HTRA3: variants seen among roughly 807,000 people sequenced by gnomAD.
HTRA3 encodes serine protease HTRA3.
HTRA3 carries 41 observed loss-of-function variants against 43.2 expected under a neutral mutation model. That is an observed-to-expected ratio of 0.95 (90% CI 0.74 to 1.23). HTRA3 has a LOEUF of 1.23. Among genes scored for constraint, HTRA3 ranks in the 50% most tolerant of loss-of-function variants. The probability of loss-of-function intolerance (pLI) is 0.00; values close to 1 mark genes in which losing one functional copy is unlikely to be tolerated. For synonymous variants in HTRA3, 295 were observed against 287.9 expected (o/e 1.02, Z -0.25); for missense variants, 628 against 647.1 (o/e 0.97, Z 0.32).
At chr4:8,298,814 A>G (rs1222742553) in intron 6 of HTRA3, among the ~76,000 whole-genome samples, 2 of 152,222 alleles carry the variant, frequency 1.3e-5, no homozygotes, top group Non-Finnish European at 2.9e-5. Flanking sequence ...GAGAATGACC[A>G]TGTGCCATTC....
At chr4:8,284,713 G>A (rs778171651) in intron 2 of HTRA3, among the ~76,000 whole-genome samples, 4 of 152,348 alleles carry the variant, frequency 2.6e-5, no homozygotes, top group Admixed American at 1.3e-4. Context: ...TGGGGTCACC[G>A]TGTGGGGTGG....
In HTRA3 at chr4:8,296,607, A is replaced by C. The variant is rs1039061786; in HGVS notation, c.1051+2406A>C. ...GGGGCTTTCAGGGTAAAGAGTGGCCACCATGCATGTTGGGGGAGCCCCAGG... is the reference window on the plus strand; with the variant it reads ...GGGGCTTTCAGGGTAAAGAGTGGCCCCCATGCATGTTGGGGGAGCCCCAGG... On this transcript the variant is annotated intron_variant, in intron 6 of 8. Transcript: ENST00000307358. This position sits in a 1 kb window ranked among gnomAD's most constrained non-coding sequence, Gnocchi z 5.3. 3 of 856,738 alleles carry C rather than the reference A, an allele frequency of 3.5e-6. No individual in the cohort carries two copies. The highest frequency in any genetic ancestry group is 1.8e-5 in the African/African-American group (1 of 54,448). 53.1% of individuals were successfully genotyped at this position (856,738 alleles called of 1,614,324 possible).
At position 8,302,660 on chromosome 4, in the gene HTRA3, A is replaced by G. The variant is rs542197163; in HGVS notation, c.1100+149A>G. 3 of 727,336 alleles carry G rather than the reference A, an allele frequency of 4.1e-6. No homozygotes were observed. The East Asian group carries it at 8.0e-5, about 19-fold the overall frequency. The allele number at this position is 727,336 out of a possible 1,614,324, so 45.1% of individuals were successfully genotyped here. On this transcript the variant is annotated intron_variant, in intron 7 of 8. Transcript: ENST00000307358. ...CAGGCCTCTGACCGTTGCTCAGGCC[A>G]GTCCTTTTGCGTGGACCTTTCCCTC...
rs773806302 is a variant in HTRA3, at chr4:8,286,670, G to T, written c.595G>T (p.Ala199Ser). The change falls in exon 3 of 9, where the codon GCC (alanine) becomes TCC (serine). Residue 199 changes from alanine (A) to serine (S), a missense_variant. Physicochemically the swap from Ala to Ser is moderately conservative, Grantham distance 99. Transcript: ENST00000307358. This position sits in a 1 kb window ranked among gnomAD's most constrained non-coding sequence, Gnocchi z 4.9. The stretch of plus-strand genomic sequence containing the variant: ...CCACGTGGTGTCCAGCAACAGTGCT[G>T]CCCCGGGCAGGCAGCAGCTCAAGGT... ...NAHVVSSNSAAPGRQQLKVQL... is the reference protein window; with the variant it reads ...NAHVVSSNSASPGRQQLKVQL... 8 of 1,614,054 alleles carry T rather than the reference G, an allele frequency of 5.0e-6. No homozygotes were observed. The highest frequency in any genetic ancestry group is 5.9e-6 in the Non-Finnish European group (7 of 1,180,034).
At chr4:8,283,193 G>C (rs181273722) in intron 2 of HTRA3, among the ~76,000 whole-genome samples, 2 of 152,342 alleles carry the variant, frequency 1.3e-5, no homozygotes, top group Admixed American at 6.5e-5. Context: ...GAATGAGTGA[G>C]TGTCCAATGG....
At position 8,295,756 on chromosome 4, in the gene HTRA3, C is replaced by T. The variant is rs1276460180; in HGVS notation, c.1051+1555C>T. On this transcript the variant is annotated intron_variant, in intron 6 of 8. Transcript: ENST00000307358. This position sits in a 1 kb window ranked among gnomAD's most constrained non-coding sequence, Gnocchi z 6.9. ...CCTCACGTTTCCCCCTCCTCCATGA[C>T]CCCGTCAGCCAAGCACATGGACCCC... is the stretch of plus-strand genomic sequence containing the variant. 1.5e-6 allele frequency: 2 copies of T among 1,307,292 alleles called. No individual in the cohort carries two copies. Among genetic ancestry groups the T allele is most frequent in the South Asian group, 4.5e-5 (2 of 44,388 alleles). The allele number at this position is 1,307,292 out of a possible 1,614,324, so 81.0% of individuals were successfully genotyped here. A position where few individuals can be genotyped will look rare whatever the true frequency, so the allele number is the denominator to read the frequency against.
At chr4:8,304,643 G>GTTTTTTT (rs140790982) in intron 8 of HTRA3, among the ~76,000 whole-genome samples, 4 of 62,734 alleles carry the variant, frequency 6.4e-5, no homozygotes, top group Admixed American at 3.9e-4. Context: ...TCAGCCTATT[G>GTTTTTTT]TTTTTTTTTT....
chr4:8,295,042 C>T lies in HTRA3; in HGVS notation c.1051+841C>T, dbSNP rs1459577724. 1.3e-5 allele frequency among the ~76,000 whole-genome samples: 2 copies of T among 151,974 alleles called. No individual in the cohort carries two copies. The highest frequency in any genetic ancestry group is 1.3e-4 in the Admixed American group (2 of 15,262). ...TCCACCCACCTATCCACCCATTCAC[C>T]CACCTGGCCACCATTTCTTCCTTCC... On this transcript the variant is annotated intron_variant, in intron 6 of 8. Coordinates refer to ENST00000307358, the MANE Select transcript of HTRA3 (RefSeq NM_053044.5). The surrounding 1 kb of genome is among the most constrained non-coding windows in gnomAD (Gnocchi z 6.9).
At chr4:8,270,822 G>T (rs2153003122) in intron 1 of HTRA3, among the ~76,000 whole-genome samples, 1 of 152,320 alleles carries the variant, frequency 6.6e-6, no homozygotes, top group South Asian at 2.1e-4. Flanking sequence ...TCAGGGTGCA[G>T]GTCCCTGAAC....
At chr4:8,288,424 C>G (rs1272063750) in intron 3 of HTRA3, among the ~76,000 whole-genome samples, 1 of 152,070 alleles carries the variant, frequency 6.6e-6, no homozygotes, top group Non-Finnish European at 1.5e-5. Context: ...CAGGCATGTG[C>G]CACCACACTG....
rs377722262 is a variant in HTRA3 at position 8,270,316 on chromosome 4, G to A, written c.348G>A (p.Thr116=). The part of the protein sequence containing the change: ...ASRRALQLSG[T]PVRQLQKGAC... Reference sequence around the variant, plus strand: ...GCCGCGCGCTGCAGCTCTCCGGGACGCCCGTGCGCCAGCTGCAGAAGGGCG... The same window carrying A: ...GCCGCGCGCTGCAGCTCTCCGGGACACCCGTGCGCCAGCTGCAGAAGGGCG... Residue 116 remains threonine, a synonymous_variant, in exon 1 of 9, where the codon ACG becomes ACA. Transcript: ENST00000307358. The A allele has an allele frequency of 4.6e-4, 669 of 1,454,632 alleles. 2 individuals carry two copies. In the African/African-American group the frequency reaches 8.9e-3, roughly 19 times the overall value. The allele number at this position is 1,454,632 out of a possible 1,614,324, so 90.1% of individuals were successfully genotyped here.
intron 6 of HTRA3, among the ~76,000 whole-genome samples, chr4:8,301,919 T>A (rs545845462): frequency 8.5e-5 from 13 of 152,254 alleles, no homozygotes; most frequent in Non-Finnish European, 1.3e-4. Flanking sequence ...TTTCTGGATC[T>A]GAGACACCTG....
At chr4:8,271,297 C>T (rs1712263894) in intron 1 of HTRA3, among the ~76,000 whole-genome samples, 1 of 152,184 alleles carries the variant, frequency 6.6e-6, no homozygotes, top group Non-Finnish European at 1.5e-5. Flanking sequence ...GAACTGAGCG[C>T]TCTATTCCTG....
chr4:8,292,799 C>G (rs1560140537), intron 5 of HTRA3, among the ~76,000 whole-genome samples: 1 of 152,220 alleles, frequency 6.6e-6, no homozygotes, highest in Non-Finnish European at 1.5e-5. Context: ...CAGTTCAGAG[C>G]TCCTAGGCCC....
chr4:8,281,758 G>C (rs982255556), intron 1 of HTRA3, among the ~76,000 whole-genome samples: 2 of 152,226 alleles, frequency 1.3e-5, no homozygotes. Flanking sequence ...TACTGCTGAC[G>C]GCAGCAGGAA....
At chr4:8,298,187 A>G (rs778414217) in intron 6 of HTRA3, among the ~76,000 whole-genome samples, 6 of 152,324 alleles carry the variant, frequency 3.9e-5, no homozygotes, top group Non-Finnish European at 8.8e-5. Context: ...CTAACGGCAG[A>G]TCACGTCTGG....
intron 1 of HTRA3, among the ~76,000 whole-genome samples, chr4:8,277,060 G>A (rs868836906): frequency 6.6e-6 from 1 of 152,344 alleles, no homozygotes; most frequent in African/African-American, 2.4e-5. Flanking sequence ...TCTGGGCCTG[G>A]GCTGCAGCCC....
chr4:8,283,266 C>G (rs1712830026), intron 2 of HTRA3, among the ~76,000 whole-genome samples: 1 of 152,158 alleles, frequency 6.6e-6, no homozygotes, highest in Non-Finnish European at 1.5e-5. Flanking sequence ...GTCCCAGCCC[C>G]GTAGAGGAAG....
chr4:8,290,092 C>A (rs796559504), intron 3 of HTRA3, among the ~76,000 whole-genome samples: 1 of 152,212 alleles, frequency 6.6e-6, no homozygotes, highest in African/African-American at 2.4e-5. Flanking sequence ...TCTCTCCGGG[C>A]CCTCACCTTC....
Sources: gnomAD v4.1 joint callset for allele counts (sites outside exome capture counted in the v4.1 genomes callset) on GRCh38, gnomAD v4.1.1 for gene constraint, Gnocchi (gnomAD v3.1) non-coding constraint, MANE v1.5 for transcripts, NCBI Gene and HGNC (gene_info 2026-07-23, HGNC 2026-07-21) for gene names.